Variants in WASF2 observed in about 807,000 individuals in gnomAD.
WASF2 encodes WASP family member 2, also known as actin-binding protein WASF2.
Under a neutral mutation model 45.0 loss-of-function variants are expected in WASF2, and 14 were observed. The ratio of observed to expected loss-of-function variants is 0.31; its 90% CI spans 0.21 to 0.49. WASF2 has a LOEUF of 0.49. WASF2 is among the 20% of genes least tolerant of loss of function. The pLI is 0.99. For missense variants in WASF2, 439 were observed against 636.1 expected, an observed-to-expected ratio of 0.69 and a Z score of 3.33; for synonymous variants, 200 against 236.3, an observed-to-expected ratio of 0.85 and a Z score of 1.41.
At chr1:27,429,553 A>G in intron 1 of WASF2, among the ~76,000 whole-genome samples, 1 of 152,140 alleles carries the variant, frequency 6.6e-6, no homozygotes, top group East Asian at 1.9e-4. Flanking sequence ...AGGCAGGTGG[A>G]TCACCTAAGG....
At chr1:27,420,342 G>GT (rs1275757464) in intron 2 of WASF2, among the ~76,000 whole-genome samples, 3 of 152,038 alleles carry the variant, frequency 2.0e-5, no homozygotes, top group African/African-American at 7.2e-5. Context: ...ACAATGTCTT[G>GT]TTTTTTAGAA....
At chr1:27,485,482 G>A (rs1322278920) in intron 1 of WASF2, among the ~76,000 whole-genome samples, 1 of 151,982 alleles carries the variant, frequency 6.6e-6, no homozygotes, top group Non-Finnish European at 1.5e-5. Context: ...AACAAAAGAG[G>A]TGGAGGGTGT....
At chr1:27,462,241 G>A (rs981788893) in intron 1 of WASF2, among the ~76,000 whole-genome samples, 19 of 152,090 alleles carry the variant, frequency 1.2e-4, no homozygotes, top group African/African-American at 4.6e-4. Context: ...CTCCCAAAGT[G>A]CTGGAATTAC....
chr1:27,467,426 G>A (rs1172171543), intron 1 of WASF2, among the ~76,000 whole-genome samples: 30 of 148,046 alleles, frequency 2.0e-4, no homozygotes, highest in Non-Finnish European at 7.4e-5. Flanking sequence ...TCAGCCTCCC[G>A]AGTAGCTGGG....
chr1:27,431,958 T>C (rs2017070896), intron 1 of WASF2, among the ~76,000 whole-genome samples: 2 of 152,228 alleles, frequency 1.3e-5, no homozygotes. Context: ...TTATCTGCTA[T>C]CGTTTAAAGT....
intron 1 of WASF2, among the ~76,000 whole-genome samples, chr1:27,436,013 T>C (rs575109898): frequency 2.0e-5 from 3 of 152,346 alleles, no homozygotes; most frequent in African/African-American, 7.2e-5. Context: ...CATGTGGGGA[T>C]GTTGCATGTG....
intron 1 of WASF2, among the ~76,000 whole-genome samples, chr1:27,438,210 T>C (rs2017162706): frequency 6.6e-6 from 1 of 152,346 alleles, no homozygotes; most frequent in Middle Eastern, 3.4e-3. Context: ...AACCCCATTT[T>C]ACTATCATAC....
chr1:27,435,936 C>T (rs997131679), intron 1 of WASF2, among the ~76,000 whole-genome samples: 1 of 152,238 alleles, frequency 6.6e-6, no homozygotes, highest in African/African-American at 2.4e-5. Context: ...AACAGAAATG[C>T]TTCTCAAGGC....
intron 5 of WASF2, 53 bp downstream of exon 5, chr1:27,415,932 C>A (rs762432592): frequency 4.0e-5 from 58 of 1,443,932 alleles, no homozygotes; most frequent in Non-Finnish European, 5.5e-5. Context: ...CTTTTTATCC[C>A]CCTCCACAAT....
Position 27,464,739 on chromosome 1 carries a change from T to C in WASF2, c.-44+25247A>G, listed in dbSNP as rs774361642. ...ACTTTTATATTTATTTATTTGTTTA[T>C]TCATTTTGAGACAGAGTCTCGCTCT... On this transcript the variant is annotated intron_variant, in intron 1 of 8. Coordinates refer to ENST00000618852, the MANE Select transcript of WASF2 (RefSeq NM_006990.5). Among the ~76,000 whole-genome samples, 3 of 152,348 alleles carry C rather than the reference T, an allele frequency of 2.0e-5. No individual in the cohort carries two copies. The East Asian group carries it at 5.8e-4, about 29-fold the overall frequency.
At chr1:27,445,638 T>A (rs947472394) in intron 1 of WASF2, among the ~76,000 whole-genome samples, 7 of 152,210 alleles carry the variant, frequency 4.6e-5, no homozygotes, top group Admixed American at 4.6e-4. Flanking sequence ...TTCTTTCCTT[T>A]AAACAACATA....
intron 1 of WASF2, among the ~76,000 whole-genome samples, chr1:27,459,136 A>G (rs1391884917): frequency 2.6e-5 from 4 of 151,868 alleles, no homozygotes; most frequent in African/African-American, 9.7e-5. Context: ...AAAAAAAAAA[A>G]AGTTTCAGAG....
At chr1:27,439,903 G>A (rs1462213267) in intron 1 of WASF2, among the ~76,000 whole-genome samples, 2 of 152,152 alleles carry the variant, frequency 1.3e-5, no homozygotes, top group African/African-American at 4.8e-5. Context: ...GAGAAGCTGA[G>A]GCAGGAGAAT....
rs1457333262 is a variant in WASF2, at chr1:27,485,783, C to T, written c.-44+4203G>A. ...CTGGAGTGCAGTGGCGTGATCTCAG[C>T]TCACTGCAACCTCCGCCTCCCGGAT... On this transcript the variant is annotated intron_variant, in intron 1 of 8. Transcript: ENST00000618852. 2.0e-5 allele frequency among the ~76,000 whole-genome samples: 3 copies of T among 152,212 alleles called. No homozygotes were observed. In the East Asian group the frequency reaches 5.8e-4, roughly 29 times the overall value.
chr1:27,432,817 G>A (rs957684719), intron 1 of WASF2, among the ~76,000 whole-genome samples: 12 of 152,114 alleles, frequency 7.9e-5, no homozygotes, highest in African/African-American at 2.7e-4. Flanking sequence ...AGGTTGGAGT[G>A]CAGTGGCATG....
rs2016703937 is a variant in WASF2 at position 27,408,061 on chromosome 1, G to A, written c.*128C>T. On this transcript the variant is annotated 3_prime_UTR_variant, in exon 9 of 9. Coordinates refer to ENST00000618852, the MANE Select transcript of WASF2 (RefSeq NM_006990.5). ...CTTGGATATATCTTTGGTTGCTTCA[G>A]GGAAAGCTTTGGCCCCTTAAAATTA... 2 of 1,136,372 alleles carry A rather than the reference G, an allele frequency of 1.8e-6. No individual in the cohort carries two copies. The highest frequency in any genetic ancestry group is 5.2e-5 in the East Asian group (2 of 38,532). The allele number at this position is 1,136,372 out of a possible 1,614,324, so 70.4% of individuals were successfully genotyped here.
At chr1:27,488,218 C>T (rs1238980339) in intron 1 of WASF2, among the ~76,000 whole-genome samples, 2 of 152,070 alleles carry the variant, frequency 1.3e-5, no homozygotes, top group Non-Finnish European at 2.9e-5. Flanking sequence ...CATAGCCGTC[C>T]CTACTATTCT....
At chr1:27,435,302 C>G (rs188520868) in intron 1 of WASF2, among the ~76,000 whole-genome samples, 1 of 152,210 alleles carries the variant, frequency 6.6e-6, no homozygotes, top group African/African-American at 2.4e-5. Flanking sequence ...AAAAGAGACT[C>G]GGGCCAGGCA....
At chr1:27,441,338 A>G (rs975490235) in intron 1 of WASF2, among the ~76,000 whole-genome samples, 1 of 150,194 alleles carries the variant, frequency 6.7e-6, no homozygotes, top group African/African-American at 2.5e-5. Context: ...ATAAAAAATG[A>G]AAAACGTGGC....
Sources: allele counts gnomAD v4.1 joint callset (sites outside exome capture counted in the v4.1 genomes callset), GRCh38; gene constraint gnomAD v4.1.1; transcripts MANE v1.5; gene names NCBI Gene and HGNC (gene_info 2026-07-23, HGNC 2026-07-21).